Variants in COPS9 observed in about 807,000 individuals in gnomAD.
COPS9 encodes COP9 signalosome subunit 9, also known as COP9 signalosome complex subunit 9.
A neutral mutation model predicts 7.2 loss-of-function variants in COPS9; 8 were observed. The observed-to-expected ratio is 1.11, with a 90% confidence interval of 0.65 to 2.00. The LOEUF is 2.00. Among genes scored for constraint, COPS9 ranks in the 30% most tolerant of loss-of-function variants. The probability of loss-of-function intolerance (pLI) is 0.00; values close to 1 mark genes in which losing one functional copy is unlikely to be tolerated. For synonymous variants in COPS9, 39 were observed against 28.7 expected (o/e 1.36, Z -1.14); for missense variants, 74 against 77.7 (o/e 0.95, Z 0.18).
chr2:240,135,950 C>A, intron 1 of COPS9: 1 of 497,590 alleles, frequency 2.0e-6, no homozygotes, highest in Non-Finnish European at 3.4e-6. Flanking sequence ...TCCCGGGGGC[C>A]GTGGGGGCAC....
intron 2 of COPS9, 33 bp downstream of exon 2, chr2:240,133,900 T>C (rs1488421770): frequency 2.5e-6 from 4 of 1,606,246 alleles, no homozygotes; most frequent in Non-Finnish European, 2.6e-6. Context: ...AATATTCAGA[T>C]TAAATCTGGC....
intron 2 of COPS9, among the ~76,000 whole-genome samples, chr2:240,133,249 T>C (rs1343754905): frequency 6.6e-6 from 1 of 152,260 alleles, no homozygotes; most frequent in Non-Finnish European, 1.5e-5. Flanking sequence ...TATTTACTTA[T>C]TATTTGAACC....
At position 240,132,495 on chromosome 2, in the gene COPS9, G is replaced by A. The variant is rs930607320; in HGVS notation, c.137-1407C>T. The stretch of plus-strand genomic sequence containing the variant: ...CTGCGTCCCCTCCCTGACCGGCCGT[G>A]GCTCAAAGGCAGACACGCGCCCACA... On this transcript the variant is annotated intron_variant, in intron 2 of 2. Transcript: ENST00000607357. The surrounding 1 kb of genome is among the most constrained non-coding windows in gnomAD (Gnocchi z 4.1). Among the ~76,000 whole-genome samples, 7 of 152,156 alleles carry A rather than the reference G, an allele frequency of 4.6e-5. No individual in the cohort carries two copies. Among genetic ancestry groups the A allele is most frequent in the African/African-American group, 1.7e-4 (7 of 41,440 alleles).
At chr2:240,129,548 C>T (rs1323663846), downstream of COPS9, among the ~76,000 whole-genome samples, 1 of 152,114 alleles carries the variant, frequency 6.6e-6, no homozygotes, top group African/African-American at 2.4e-5. Context: ...AGTGTAGCCA[C>T]AGCCCTTACC....
chr2:240,130,373 C>T (rs1200356553), downstream of COPS9, among the ~76,000 whole-genome samples: 2 of 152,238 alleles, frequency 1.3e-5, no homozygotes, highest in Non-Finnish European at 2.9e-5. Flanking sequence ...CTGAGCTGGG[C>T]CTACAGGAAA....
rs1208476374 is a variant in COPS9 at position 240,133,990 on chromosome 2, C to T, written c.79G>A (p.Gly27Arg). Reference sequence around the variant, plus strand: ...TTGGCTGCCAAGTCCATCAAGAGCCCGGTGCTGCCTCCCGCCTGGGGAATG... The same window carrying T: ...TTGGCTGCCAAGTCCATCAAGAGCCTGGTGCTGCCTCCCGCCTGGGGAATG... ...VDLDEAGGSTGLLMDLAANEK... is the reference protein window; with the variant it reads ...VDLDEAGGSTRLLMDLAANEK... Residue 27 changes from glycine (G) to arginine (R), a missense_variant, in exon 2 of 3, where the codon GGG becomes AGG. Coordinates refer to ENST00000607357, the MANE Select transcript of COPS9 (RefSeq NM_001163424.2). The T allele has an allele frequency of 2.5e-6, 4 of 1,614,132 alleles. No individual in the cohort carries two copies. Among genetic ancestry groups the T allele is most frequent in the Non-Finnish European group, 3.4e-6 (4 of 1,180,026 alleles).
At chr2:240,126,908 A>G, downstream of COPS9, 1 of 1,613,876 alleles carries the variant, frequency 6.2e-7, no homozygotes, top group South Asian at 1.1e-5. Flanking sequence ...CTCTGTCCAA[A>G]GCTGCCACTT....
downstream of COPS9, among the ~76,000 whole-genome samples, chr2:240,130,485 A>G (rs2071911176): frequency 6.6e-6 from 1 of 152,192 alleles, no homozygotes; most frequent in Non-Finnish European, 1.5e-5. Flanking sequence ...CTGTCGTCCT[A>G]GTTCTTAAGC....
chr2:240,130,542 C>G (rs1400762304), downstream of COPS9, among the ~76,000 whole-genome samples: 1 of 152,232 alleles, frequency 6.6e-6, no homozygotes, highest in Non-Finnish European at 1.5e-5. Flanking sequence ...AGCATAAGGA[C>G]GACTGTGCTG....
At chr2:240,135,578 C>G (rs2071968589) in intron 1 of COPS9, among the ~76,000 whole-genome samples, 1 of 152,168 alleles carries the variant, frequency 6.6e-6, no homozygotes, top group Non-Finnish European at 1.5e-5. Flanking sequence ...ACGCTCACAT[C>G]AGACAAGGTC....
At chr2:240,136,071 T>C (rs2071987510) in intron 1 of COPS9, 151 bp downstream of exon 1, 1 of 1,208,510 alleles carries the variant, frequency 8.3e-7, no homozygotes, top group Non-Finnish European at 1.1e-6. Flanking sequence ...GAAACCGGGA[T>C]TTGCTCTCCG....
At chr2:240,134,915 C>T (rs908615034) in intron 1 of COPS9, among the ~76,000 whole-genome samples, 1 of 152,148 alleles carries the variant, frequency 6.6e-6, no homozygotes, top group Admixed American at 6.5e-5. Flanking sequence ...CCCGTAAATG[C>T]TGCCACCCTA....
At chr2:240,130,308 AC>A (rs1474813397), downstream of COPS9, among the ~76,000 whole-genome samples, 3 of 152,160 alleles carry the variant, frequency 2.0e-5, no homozygotes, top group Non-Finnish European at 4.4e-5. Context: ...AACACTCTTC[AC>A]TTCGAGATGG....
At chr2:240,134,323 GAC>G (rs1559480525) in intron 1 of COPS9, 3 of 266,134 alleles carry the variant, frequency 1.1e-5, no homozygotes, top group Non-Finnish European at 1.4e-5. Flanking sequence ...TCCCTCGCCG[GAC>G]ATCGCCAGAG....
chr2:240,129,800 G>A (rs1047489044), downstream of COPS9: 12 of 889,876 alleles, frequency 1.3e-5, no homozygotes, highest in Non-Finnish European at 2.0e-5. Flanking sequence ...ACGCCTGGCC[G>A]CTGGAAACCC....
At position 240,136,207 on chromosome 2, in the gene COPS9, C is replaced by T; in HGVS notation, c.63+15G>A. On this transcript the variant is annotated intron_variant, in intron 1 of 2. Transcript: ENST00000607357. ...CGCTCCCCACGCTCGGAGACTCCCG[C>T]CGGGCCCGTGCCACCTCGTCCAGGT... The T allele has an allele frequency of 6.5e-7, 1 of 1,532,248 alleles. No homozygotes were observed. The highest frequency in any genetic ancestry group is 8.7e-7 in the Non-Finnish European group (1 of 1,143,888). 94.9% of individuals were successfully genotyped at this position (1,532,248 alleles called of 1,614,324 possible).
downstream of COPS9, chr2:240,129,849 A>G (rs955458554): frequency 1.4e-6 from 2 of 1,468,272 alleles, no homozygotes; most frequent in Non-Finnish European, 1.9e-6. Context: ...GGTCTCAGAA[A>G]CAAAGCGGCA....
intron 1 of COPS9, among the ~76,000 whole-genome samples, chr2:240,134,914 G>A (rs1483233576): frequency 1.3e-5 from 2 of 152,030 alleles, no homozygotes; most frequent in Non-Finnish European, 2.9e-5. Flanking sequence ...ACCCGTAAAT[G>A]CTGCCACCCT....
chr2:240,126,585 T>C (rs761375014), downstream of COPS9: 4 of 1,614,124 alleles, frequency 2.5e-6, no homozygotes, highest in South Asian at 3.3e-5. Flanking sequence ...TATGCATGGC[T>C]GTGTGGTCTT....
Sources: gnomAD v4.1 joint callset for allele counts (sites outside exome capture counted in the v4.1 genomes callset) on GRCh38, gnomAD v4.1.1 for gene constraint, Gnocchi (gnomAD v3.1) non-coding constraint, MANE v1.5 for transcripts, NCBI Gene and HGNC (gene_info 2026-07-23, HGNC 2026-07-21) for gene names.